The following GART variants were observed in gnomAD, a reference collection of about 807,000 sequenced individuals.
GART encodes the protein phosphoribosylglycinamide formyltransferase, phosphoribosylglycinamide synthetase, phosphoribosylaminoimidazole synthetase, also known as trifunctional purine biosynthetic protein adenosine-3.
Under a neutral mutation model 107.2 loss-of-function variants are expected in GART, and 43 were observed. The ratio of observed to expected loss-of-function variants is 0.40; its 90% CI spans 0.31 to 0.52. GART has a LOEUF of 0.52. Ranked by LOEUF, GART falls within the 20% of genes least tolerant of loss-of-function variation. The probability of loss-of-function intolerance (pLI) is 0.52; values close to 1 mark genes in which losing one functional copy is unlikely to be tolerated. For synonymous variants in GART, 434 were observed against 427.0 expected, an observed-to-expected ratio of 1.02 and a Z score of -0.20; for missense variants, 1,107 against 1,206.5, an observed-to-expected ratio of 0.92 and a Z score of 1.22.
intron 10 of GART, 21 bp from the exon 11 acceptor site, chr21:33,525,021 CAT>C (rs1298977839): frequency 1.3e-6 from 2 of 1,599,880 alleles, no homozygotes; most frequent in Non-Finnish European, 1.7e-6. Flanking sequence ...GCATATTTGA[CAT>C]ATGATTTCAA....
intron 10 of GART, among the ~76,000 whole-genome samples, chr21:33,526,328 A>T (rs1219313864): frequency 2.0e-5 from 3 of 151,292 alleles, no homozygotes; most frequent in African/African-American, 4.9e-5. Context: ...GCACCACCAC[A>T]TTTGGCTAAT....
intron 11 of GART, among the ~76,000 whole-genome samples, chr21:33,522,488 A>G (rs1357276917): frequency 2.0e-5 from 3 of 152,200 alleles, no homozygotes. Context: ...ATGAGTTTGA[A>G]CCATCTCCCC....
At chr21:33,537,264 G>C (rs1186647885) in intron 2 of GART, among the ~76,000 whole-genome samples, 1 of 152,164 alleles carries the variant, frequency 6.6e-6, no homozygotes, top group Admixed American at 6.5e-5. Flanking sequence ...CTCACCCGTA[G>C]AATTAAGATC....
intron 16 of GART, among the ~76,000 whole-genome samples, chr21:33,513,057 A>C (rs2084814851): frequency 6.6e-6 from 1 of 151,504 alleles, no homozygotes; most frequent in South Asian, 2.1e-4. Flanking sequence ...CTGGGATTAT[A>C]GGCATGTGCT....
chr21:33,517,604 A>T lies in GART; in HGVS notation c.1707T>A (p.Gly569=). 5 of 1,613,992 alleles carry T rather than the reference A, an allele frequency of 3.1e-6. No homozygotes were observed. Among genetic ancestry groups the T allele is most frequent in the Non-Finnish European group, 4.2e-6 (5 of 1,179,964 alleles). The change falls in exon 15 of 22, where the codon GGT becomes GGA. Residue 569 remains glycine, a synonymous_variant. Transcript: ENST00000381815. The part of the protein sequence containing the change: ...CGKAGCALLG[G]ETAEMPDMYP... ...ACATGTCAGGCATTTCTGCTGTTTC[A>T]CCTCCTGGTGGGATAAGACAAGAAC...
intron 7 of GART, among the ~76,000 whole-genome samples, chr21:33,530,438 T>G (rs2085163824): frequency 6.6e-6 from 1 of 152,174 alleles, no homozygotes; most frequent in African/African-American, 2.4e-5. Flanking sequence ...ACTTTTGTGC[T>G]GAACCACGGA....
rs1258138811 is a variant in GART, at chr21:33,505,625, T to A, written c.2661A>T (p.Ile887=). Residue 887 remains isoleucine, a synonymous_variant, in exon 20 of 22, where the codon ATA becomes ATT. Coordinates refer to ENST00000381815, the MANE Select transcript of GART (RefSeq NM_000819.5). ...TGAATCCTGCAAGACAGACTATGTC[T>A]ATGGAGAACTCTTCAAGGACTAGGT... ...AIDLVLEEFS[I]DIVCLAGFMR... The A allele has an allele frequency of 2.5e-6, 4 of 1,612,822 alleles. No homozygotes were observed. The African/African-American group carries it at 5.3e-5, about 22-fold the overall frequency.
chr21:33,520,029 G>A (rs1373472829), intron 14 of GART, among the ~76,000 whole-genome samples: 1 of 152,032 alleles, frequency 6.6e-6, no homozygotes. Context: ...GGGTCAATAA[G>A]GAGGAAATAA....
rs1042798590 is a variant in GART at position 33,503,994 on chromosome 21, G to C, written c.*130C>G. The C allele has an allele frequency of 2.1e-5, 15 of 713,892 alleles. No individual in the cohort carries two copies. Among genetic ancestry groups the C allele is most frequent in the Non-Finnish European group, 3.3e-5 (15 of 453,062 alleles). The allele number at this position is 713,892 out of a possible 1,614,324, so 44.2% of individuals were successfully genotyped here. On this transcript the variant is annotated 3_prime_UTR_variant, in exon 22 of 22. Coordinates refer to ENST00000381815, the MANE Select transcript of GART (RefSeq NM_000819.5). ...TGAGTCTCTATTTATTAAAAAAATA[G>C]ATGAAGTAAGGGTGAGGTCTTTTTT...
At chr21:33,515,469 G>A (rs572459541) in intron 16 of GART, among the ~76,000 whole-genome samples, 214 of 151,812 alleles carry the variant, frequency 1.4e-3, no homozygotes, top group Admixed American at 3.7e-3. Flanking sequence ...GTGAAACCCC[G>A]TGTCTACTAA....
At chr21:33,515,596 C>T (rs929028443) in intron 16 of GART, among the ~76,000 whole-genome samples, 4 of 144,458 alleles carry the variant, frequency 2.8e-5, no homozygotes, top group East Asian at 2.1e-4. Flanking sequence ...GCTGCGATTG[C>T]GCCACTGCAC....
rs1013155546 is a variant in GART, at chr21:33,542,093, T to C, written c.-70A>G. 2.0e-5 allele frequency: 3 copies of C among 152,226 alleles called. No homozygotes were observed. Among genetic ancestry groups the C allele is most frequent in the Non-Finnish European group, 4.4e-5 (3 of 68,054 alleles). The allele number at this position is 152,226 out of a possible 1,614,324, so 9.4% of individuals were successfully genotyped here. A position where few individuals can be genotyped will look rare whatever the true frequency, so the allele number is the denominator to read the frequency against. On this transcript the variant is annotated 5_prime_UTR_variant, in exon 1 of 22. Transcript: ENST00000381815. ...CACCGGGTGGCCACCTGGTTCCCGC[T>C]TGCCCGCTCGCCGGAAGTCGGCCCA...
At position 33,520,373 on chromosome 21, in the gene GART, C is replaced by G. The variant is rs140192894; in HGVS notation, c.1693G>C (p.Ala565Pro). The G allele has an allele frequency of 5.0e-6, 8 of 1,613,968 alleles. No homozygotes were observed. The highest frequency in any genetic ancestry group is 6.8e-6 in the Non-Finnish European group (8 of 1,179,882). ...AAATGGCTGATCATACCAAGGAGAG[C>G]ACATCCAGCTTTTCCACAAGCTTTA... The part of the protein sequence containing the change: ...IAKACGKAGC[A>P]LLGGETAEMP... Residue 565 changes from alanine to proline, a missense_variant, in exon 14 of 22, where the codon GCT becomes CCT. Ala to Pro is a conservative substitution (Grantham distance 27). Transcript: ENST00000381815.
chr21:33,531,687 C>A, intron 5 of GART, 130 bp from the exon 6 acceptor site: 1 of 789,582 alleles, frequency 1.3e-6, no homozygotes, highest in South Asian at 1.9e-5. Flanking sequence ...TTTTCTTTCC[C>A]TTTCAGAAAG....
intron 1 of GART, among the ~76,000 whole-genome samples, 196 bp from the exon 2 acceptor site, chr21:33,539,552 G>A (rs2085370303): frequency 6.6e-6 from 1 of 152,014 alleles, no homozygotes; most frequent in South Asian, 2.1e-4. Context: ...AATTAGCCAG[G>A]CATGGTGGCG....
intron 16 of GART, among the ~76,000 whole-genome samples, chr21:33,516,430 T>G (rs2084881084): frequency 6.6e-6 from 1 of 152,142 alleles, no homozygotes; most frequent in African/African-American, 2.4e-5. Context: ...ATCACCCAAT[T>G]TATCTTCAGC....
In GART at chr21:33,506,012, CA is replaced by C; in HGVS notation, c.2544del (p.Leu850Ter). The C allele has an allele frequency of 6.2e-7, 1 of 1,614,218 alleles. No individual in the cohort carries two copies. Among genetic ancestry groups the C allele is most frequent in the Admixed American group, 1.7e-5 (1 of 60,008 alleles). ...DIVISNKAAV[A>X]GLDKAERAGI... ...CCAGCTCTTTCCGCTTTATCTAACCCAGCTACTGCGGCTTTGTTGGAGATAA... is the reference window on the plus strand; with the variant it reads ...CCAGCTCTTTCCGCTTTATCTAACCCGCTACTGCGGCTTTGTTGGAGATAA... On this transcript the variant is annotated frameshift_variant, in exon 19 of 22. Coordinates refer to ENST00000381815, the MANE Select transcript of GART (RefSeq NM_000819.5). LOFTEE classifies it high-confidence loss of function.
intron 18 of GART, chr21:33,509,238 C>A (rs1012398899): frequency 6.6e-6 from 1 of 152,198 alleles, no homozygotes; most frequent in Non-Finnish European, 1.5e-5. Context: ...CTAGCCTGGG[C>A]AACATAGCAA....
At chr21:33,531,885 A>G (rs1601220336) in intron 5 of GART, 1 of 292,468 alleles carries the variant, frequency 3.4e-6, no homozygotes, top group East Asian at 6.8e-5. Flanking sequence ...TTATAATTAT[A>G]CATGTTTGGC....
Sources: gnomAD v4.1 joint callset for allele counts (sites outside exome capture counted in the v4.1 genomes callset) on GRCh38, gnomAD v4.1.1 for gene constraint, MANE v1.5 for transcripts, NCBI Gene and HGNC (gene_info 2026-07-23, HGNC 2026-07-21) for gene names.